Variants in FERMT3 observed in about 807,000 individuals in gnomAD.
The protein encoded by FERMT3 is fermitin family homolog 3.
In FERMT3, 33 loss-of-function variants were observed where a neutral mutation model predicts 80.8. The ratio of observed to expected loss-of-function variants is 0.41; its 90% confidence interval spans 0.31 to 0.55. The LOEUF is 0.55. Ranked by LOEUF, FERMT3 falls within the 20% of genes least tolerant of loss-of-function variation. The pLI is 0.31. For synonymous variants in FERMT3, 375 were observed against 372.2 expected, an observed-to-expected ratio of 1.01 and a Z score of -0.09; for missense variants, 754 against 908.7, an observed-to-expected ratio of 0.83 and a Z score of 2.19.
Position 64,220,426 on chromosome 11 carries a change from T to G in FERMT3, c.1312-10T>G. ...TGGTTAGCACTGTCCCCCTCACCCC[T>G]CTCGCCCAGGAGCAGCAGTATGCCC... is the stretch of plus-strand genomic sequence containing the variant. On this transcript the variant is annotated splice_polypyrimidine_tract_variant and intron_variant, in intron 11 of 14. Transcript: ENST00000345728. 1 of 1,610,744 alleles carries G rather than the reference T, an allele frequency of 6.2e-7. No homozygotes were observed. Among genetic ancestry groups the G allele is most frequent in the Non-Finnish European group, 8.5e-7 (1 of 1,179,568 alleles).
rs1305088399 is a variant in FERMT3 at position 64,223,413 on chromosome 11, C to T, written c.1913C>T (p.Ser638Leu). Residue 638 changes from serine (S) to leucine (L), a missense_variant, in exon 15 of 15, where the codon TCG (serine) becomes TTG (leucine). Coordinates refer to ENST00000345728, the MANE Select transcript of FERMT3 (RefSeq NM_031471.6). Reference sequence around the variant, plus strand: ...TATATCGGGGGCTACATTTTCCTGTCGACGCGGGAGCGGGCCCGTGGGGAG... The same window carrying T: ...TATATCGGGGGCTACATTTTCCTGTTGACGCGGGAGCGGGCCCGTGGGGAG... ...HEYIGGYIFLSTRERARGEEL... is the reference protein window; with the variant it reads ...HEYIGGYIFLLTRERARGEEL... The T allele has an allele frequency of 4.3e-6, 7 of 1,613,576 alleles. No individual in the cohort carries two copies. The Admixed American group carries it at 5.0e-5, about 12-fold the overall frequency.
chr11:64,206,372 TC>T (rs1475212153), upstream of FERMT3, among the ~76,000 whole-genome samples: 1 of 152,200 alleles, frequency 6.6e-6, no homozygotes, highest in African/African-American at 2.4e-5. Context: ...GGGCTCTCCC[TC>T]CGGCAGCCCA....
Position 64,220,022 on chromosome 11 carries a change from G to A in FERMT3, c.1204+7G>A, listed in dbSNP as rs1388271763. On this transcript the variant is annotated splice_region_variant and intron_variant, in intron 10 of 14. Coordinates refer to ENST00000345728, the MANE Select transcript of FERMT3 (RefSeq NM_031471.6). Reference sequence around the variant, plus strand: ...CAGCAGCTCAACCTCAAGGGTAAGTGCACAGGGCCAGGGGCTGGGTGGGGG... The same window carrying A: ...CAGCAGCTCAACCTCAAGGGTAAGTACACAGGGCCAGGGGCTGGGTGGGGG... The A allele has an allele frequency of 1.2e-6, 2 of 1,613,286 alleles. No homozygotes were observed. The highest frequency in any genetic ancestry group is 1.3e-5 in the African/African-American group (1 of 74,934).
Position 64,221,070 on chromosome 11 carries a change from G to A in FERMT3, c.1600G>A (p.Glu534Lys), listed in dbSNP as rs747635996. The A allele has an allele frequency of 1.5e-5, 24 of 1,612,476 alleles. No individual in the cohort carries two copies. In the Admixed American group the frequency reaches 2.0e-4, roughly 13 times the overall value. ...GAATGTGGCCCAGTTGTCGCTGGCA[G>A]AGGCCCAGCTGCGCTTCATCCAGGC... ...HQNVAQLSLA[E>K]AQLRFIQAWQ... Residue 534 changes from glutamate (E) to lysine (K), a missense_variant, in exon 13 of 15, where the codon GAG (glutamate) becomes AAG (lysine). Transcript: ENST00000345728.
chr11:64,218,469 A>G (rs1335649963), intron 6 of FERMT3, among the ~76,000 whole-genome samples: 2 of 151,270 alleles, frequency 1.3e-5, no homozygotes, highest in African/African-American at 4.9e-5. Context: ...TCATGTGGCT[A>G]ATTTTTTGTA....
chr11:64,216,674 T>C (rs1351472191), intron 6 of FERMT3, among the ~76,000 whole-genome samples: 1 of 150,524 alleles, frequency 6.6e-6, no homozygotes, highest in East Asian at 2.0e-4. Context: ...TGGGCGCCTG[T>C]AGTCCCAGCT....
At position 64,221,199 on chromosome 11, in the gene FERMT3, G is replaced by A. The variant is rs368930319; in HGVS notation, c.1670+59G>A. 51 of 1,541,860 alleles carry A rather than the reference G, an allele frequency of 3.3e-5. 1 individual carries two copies. In the African/African-American group the frequency reaches 5.8e-4, roughly 18 times the overall value. ...CGTCTCTGCCCTCACCTGCCACCCG[G>A]CTGCTGTGTGCCCACATCCCAAGAG... On this transcript the variant is annotated intron_variant, in intron 13 of 14. Transcript: ENST00000345728.
chr11:64,218,633 T>C (rs1445591308), intron 6 of FERMT3, among the ~76,000 whole-genome samples: 1 of 152,264 alleles, frequency 6.6e-6, no homozygotes, highest in East Asian at 1.9e-4. Context: ...TTTATCTTCC[T>C]AAACCTTTGC....
intron 13 of FERMT3, among the ~76,000 whole-genome samples, chr11:64,222,219 C>T (rs541457326): frequency 2.7e-5 from 4 of 148,038 alleles, no homozygotes; most frequent in East Asian, 2.0e-4. Context: ...AGCCTGGGTG[C>T]GAACGAGTGA....
At chr11:64,215,344 C>T (rs1207171545) in intron 6 of FERMT3, among the ~76,000 whole-genome samples, 1 of 152,164 alleles carries the variant, frequency 6.6e-6, no homozygotes, top group Non-Finnish European at 1.5e-5. Flanking sequence ...GGATATCCTG[C>T]TTTGTGAGGT....
Position 64,211,219 on chromosome 11 carries a change from C to G in FERMT3, c.514+48C>G, listed in dbSNP as rs745842469. On this transcript the variant is annotated intron_variant, in intron 4 of 14. Transcript: ENST00000345728. The surrounding 1 kb of genome is among the most constrained non-coding windows in gnomAD (Gnocchi z 4.7). ...CTGGGGGGTTGGGGGCAGGGGCCGG[C>G]CCGTGAGTCCCAGCCCTGGGGGACA... 1 of 1,604,192 alleles carries G rather than the reference C, an allele frequency of 6.2e-7. No individual in the cohort carries two copies. The highest frequency in any genetic ancestry group is 8.5e-7 in the Non-Finnish European group (1 of 1,176,160).
intron 6 of FERMT3, among the ~76,000 whole-genome samples, chr11:64,214,179 T>TC (rs1263755694): frequency 6.7e-6 from 1 of 150,158 alleles, no homozygotes; most frequent in African/African-American, 2.5e-5. Flanking sequence ...TTTTTTTTTT[T>TC]TTTTTTTGAG....
In FERMT3 at chr11:64,217,092, G is replaced by T. The variant is rs529769557; in HGVS notation, c.787-2159G>T. ...CTTGGTGGCCCCCTGGAGGCGATGG[G>T]GCCGGGCTGCCACTCTTTGTCGGGC... On this transcript the variant is annotated intron_variant, in intron 6 of 14. Transcript: ENST00000345728. Among the ~76,000 whole-genome samples the T allele has an allele frequency of 1.2e-4, 18 of 152,280 alleles. No individual in the cohort carries two copies. The South Asian group carries it at 3.7e-3, about 32-fold the overall frequency.
intron 2 of FERMT3, among the ~76,000 whole-genome samples, chr11:64,208,059 TGA>T (rs1014532649): frequency 2.0e-5 from 3 of 150,326 alleles, no homozygotes; most frequent in African/African-American, 7.4e-5. Context: ...TACCCCTTCC[TGA>T]GAGAGCAGCA....
In FERMT3 at chr11:64,219,367, C is replaced by T. The variant is rs377003245; in HGVS notation, c.894+9C>T. The T allele has an allele frequency of 1.3e-4, 211 of 1,586,740 alleles. No individual in the cohort carries two copies. The highest frequency in any genetic ancestry group is 1.7e-4 in the Non-Finnish European group (196 of 1,167,238). On this transcript the variant is annotated intron_variant, in intron 7 of 14. Transcript: ENST00000345728. This position sits in a 1 kb window ranked among gnomAD's most constrained non-coding sequence, Gnocchi z 4.0. ...TGTTTGCCGCCCTGCAGGTACCAGG[C>T]GGGCCTGGGGGCACCAGGGCAGGTG... is the stretch of plus-strand genomic sequence containing the variant.
At position 64,220,429 on chromosome 11, in the gene FERMT3, C is replaced by T. The variant is rs368719526; in HGVS notation, c.1312-7C>T. The T allele has an allele frequency of 1.2e-5, 20 of 1,610,576 alleles. No homozygotes were observed. Among genetic ancestry groups the T allele is most frequent in the Middle Eastern group, 3.3e-4 (2 of 6,082 alleles). ...TTAGCACTGTCCCCCTCACCCCTCTCGCCCAGGAGCAGCAGTATGCCCGCT... is the reference window on the plus strand; with the variant it reads ...TTAGCACTGTCCCCCTCACCCCTCTTGCCCAGGAGCAGCAGTATGCCCGCT... On this transcript the variant is annotated splice_region_variant and splice_polypyrimidine_tract_variant and intron_variant, in intron 11 of 14. Transcript: ENST00000345728.
At position 64,219,259 on chromosome 11, in the gene FERMT3, C is replaced by G. The variant is rs578201604; in HGVS notation, c.795C>G (p.Pro265=). The part of the protein sequence containing the change: ...SFFDLDPKTD[P]VRLTQLYEQA... The stretch of plus-strand genomic sequence containing the variant: ...CTCTCCCCCCGCTCCAGACAGACCC[C>G]GTGCGGCTGACACAGCTGTATGAGC... The change falls in exon 7 of 15, where the codon CCC becomes CCG. Residue 265 remains proline (P), a synonymous_variant. Transcript: ENST00000345728. The surrounding 1 kb of genome is among the most constrained non-coding windows in gnomAD (Gnocchi z 4.0). The G allele has an allele frequency of 6.3e-7, 1 of 1,595,694 alleles. No individual in the cohort carries two copies. The highest frequency in any genetic ancestry group is 8.5e-7 in the Non-Finnish European group (1 of 1,171,862).
Position 64,220,477 on chromosome 11 carries a change from C to G in FERMT3, c.1353C>G (p.Ala451=). The change falls in exon 12 of 15, where the codon GCC becomes GCG. Residue 451 remains alanine (A), a synonymous_variant. Transcript: ENST00000345728. Reference sequence around the variant, plus strand: ...GCTGGATGGCTGGCTGCCGCCTGGCCTCCAAAGGCCGCACCATGGCCGACA... The same window carrying G: ...GCTGGATGGCTGGCTGCCGCCTGGCGTCCAAAGGCCGCACCATGGCCGACA... ...YARWMAGCRL[A]SKGRTMADSS... 1 of 1,609,672 alleles carries G rather than the reference C, an allele frequency of 6.2e-7. No homozygotes were observed. The highest frequency in any genetic ancestry group is 8.5e-7 in the Non-Finnish European group (1 of 1,178,520).
Position 64,220,473 on chromosome 11 carries a change from T to A in FERMT3, c.1349T>A (p.Leu450Gln). Residue 450 changes from leucine (L) to glutamine (Q), a missense_variant, in exon 12 of 15, where the codon CTG (leucine) becomes CAG (glutamine). Leu to Gln is a moderately radical substitution (Grantham distance 113). Transcript: ENST00000345728. Reference protein sequence around the residue: ...QYARWMAGCRLASKGRTMADS... With the variant: ...QYARWMAGCRQASKGRTMADS... ...GCCCGCTGGATGGCTGGCTGCCGCC[T>A]GGCCTCCAAAGGCCGCACCATGGCC... 6.2e-7 allele frequency: 1 copy of A among 1,610,004 alleles called. No individual in the cohort carries two copies. The highest frequency in any genetic ancestry group is 1.3e-5 in the African/African-American group (1 of 74,978).
Sources: allele counts gnomAD v4.1 joint callset (sites outside exome capture counted in the v4.1 genomes callset), GRCh38; gene constraint gnomAD v4.1.1; non-coding constraint Gnocchi (gnomAD v3.1); transcripts MANE v1.5; gene names NCBI Gene and HGNC (gene_info 2026-07-23, HGNC 2026-07-21).